ATRNL1: variants seen among roughly 807,000 people sequenced by gnomAD.
ATRNL1 encodes attractin-like protein 1.
ATRNL1 carries 95 observed loss-of-function variants against 182.7 expected under a neutral mutation model. The observed-to-expected ratio is 0.52, with a 90% CI of 0.44 to 0.62. The LOEUF (loss-of-function observed/expected upper bound fraction) is 0.62, where lower values mean the gene tolerates loss of function less well. ATRNL1 is among the 20% of genes least tolerant of loss of function. The pLI, the probability that ATRNL1 is intolerant of heterozygous loss-of-function variation, is 0.00. For synonymous variants in ATRNL1, 576 were observed against 568.3 expected (o/e 1.01, Z -0.19); for missense variants, 1,471 against 1,679.5 (o/e 0.88, Z 2.17).
chr10:115,442,026 T>G (rs782633673), intron 21 of ATRNL1, among the ~76,000 whole-genome samples: 5 of 152,046 alleles, frequency 3.3e-5, no homozygotes, highest in Non-Finnish European at 7.4e-5. Flanking sequence ...AGCTTCCTTG[T>G]GTAGTTTTCC....
At chr10:115,702,344 C>A (rs2133997786) in intron 26 of ATRNL1, among the ~76,000 whole-genome samples, 1 of 152,034 alleles carries the variant, frequency 6.6e-6, no homozygotes, top group Non-Finnish European at 1.5e-5. Context: ...AAGCTTTTCC[C>A]TTGATAATTG....
At chr10:115,511,003 A>G (rs905539975) in intron 24 of ATRNL1, among the ~76,000 whole-genome samples, 1 of 152,030 alleles carries the variant, frequency 6.6e-6, no homozygotes, top group Non-Finnish European at 1.5e-5. Context: ...GAAAGAACTT[A>G]AACTATTTAA....
chr10:115,891,801 A>G (rs1555111335), intron 28 of ATRNL1, among the ~76,000 whole-genome samples: 3 of 152,192 alleles, frequency 2.0e-5, no homozygotes. Context: ...CAGTCAGGTA[A>G]GCTAGTAAAA....
At chr10:115,375,764 T>C (rs943502942) in intron 19 of ATRNL1, among the ~76,000 whole-genome samples, 2 of 152,256 alleles carry the variant, frequency 1.3e-5, no homozygotes, top group South Asian at 2.1e-4. Flanking sequence ...ATGTAATTGA[T>C]GTCAACTTAT....
intron 27 of ATRNL1, among the ~76,000 whole-genome samples, chr10:115,784,085 T>G (rs950311144): frequency 9.2e-5 from 14 of 152,216 alleles, no homozygotes; most frequent in Non-Finnish European, 1.8e-4. Flanking sequence ...ATCTCTTATT[T>G]GTTTTGTGAA....
chr10:115,187,689 T>TTG (rs1847999106), intron 8 of ATRNL1, among the ~76,000 whole-genome samples: 1 of 148,492 alleles, frequency 6.7e-6, no homozygotes, highest in Non-Finnish European at 1.5e-5. Flanking sequence ...TTTTTTTTTT[T>TTG]TCTTTTTTCT....
intron 17 of ATRNL1, among the ~76,000 whole-genome samples, chr10:115,303,223 T>C (rs1367099870): frequency 4.5e-4 from 6 of 13,354 alleles, no homozygotes; most frequent in African/African-American, 3.8e-3. Flanking sequence ...GTATGCAGGT[T>C]TTTTTTTTTT....
At chr10:115,453,815 G>A in intron 21 of ATRNL1, among the ~76,000 whole-genome samples, 3 of 126,362 alleles carry the variant, frequency 2.4e-5, no homozygotes, top group Non-Finnish European at 3.3e-5. Flanking sequence ...GGGGAGGGGG[G>A]AGGGATAGCA....
intron 27 of ATRNL1, among the ~76,000 whole-genome samples, chr10:115,757,233 G>A (rs1280349546): frequency 5.9e-5 from 9 of 152,254 alleles, no homozygotes; most frequent in South Asian, 2.1e-4. Flanking sequence ...CCCTTTAGCT[G>A]ATGCAGTTTC....
At chr10:115,147,545 G>A (rs569123644) in intron 5 of ATRNL1, among the ~76,000 whole-genome samples, 15 of 151,774 alleles carry the variant, frequency 9.9e-5, no homozygotes, top group Non-Finnish European at 2.2e-4. Flanking sequence ...CTTTGCCTAG[G>A]TCAATGTCTC....
At chr10:115,718,648 T>C (rs1947327389) in intron 26 of ATRNL1, among the ~76,000 whole-genome samples, 1 of 152,216 alleles carries the variant, frequency 6.6e-6, no homozygotes, top group Non-Finnish European at 1.5e-5. Flanking sequence ...AAAGTCTTTA[T>C]AGGTAATGCT....
intron 27 of ATRNL1, among the ~76,000 whole-genome samples, chr10:115,732,002 C>G (rs1284940988): frequency 6.6e-6 from 1 of 152,210 alleles, no homozygotes; most frequent in African/African-American, 2.4e-5. Context: ...GTGCTTCATT[C>G]ATTTCTATTG....
intron 1 of ATRNL1, 28 bp downstream of exon 1, chr10:115,094,071 T>C: frequency 1.4e-6 from 2 of 1,406,748 alleles, no homozygotes; most frequent in Non-Finnish European, 1.9e-6. Flanking sequence ...ACCCCGAACC[T>C]CCAGCCCTGC....
intron 28 of ATRNL1, among the ~76,000 whole-genome samples, chr10:115,906,936 G>C (rs1265215204): frequency 8.1e-6 from 1 of 122,704 alleles, no homozygotes; most frequent in African/African-American, 6.6e-5. Flanking sequence ...TATCCGAAAT[G>C]CTTCAATGAG....
chr10:115,526,483 A>G (rs1851221014), intron 25 of ATRNL1, among the ~76,000 whole-genome samples: 1 of 152,176 alleles, frequency 6.6e-6, no homozygotes, highest in South Asian at 2.1e-4. Context: ...TGTTTTCCCC[A>G]TCTTCCAAGC....
intron 26 of ATRNL1, among the ~76,000 whole-genome samples, chr10:115,649,142 T>C (rs1268072642): frequency 1.3e-5 from 2 of 152,090 alleles, no homozygotes; most frequent in Non-Finnish European, 2.9e-5. Flanking sequence ...CGCTTTGTTT[T>C]ATTTATTTGT....
chr10:115,525,400 C>A (rs1335390051), intron 25 of ATRNL1, among the ~76,000 whole-genome samples: 1 of 152,176 alleles, frequency 6.6e-6, no homozygotes, highest in Non-Finnish European at 1.5e-5. Context: ...GGGTCTCCAT[C>A]TTTTTATGGC....
rs1360096035 is a variant in ATRNL1, at chr10:115,947,213, G to GT, written c.*2439dup. ...AAGGATAATCACTTTGAATCTGTTG[G>GT]TTTTTCCCCCTACATTCCAGACACT... On this transcript the variant is annotated 3_prime_UTR_variant, in exon 29 of 29. Transcript: ENST00000355044. 1.3e-5 allele frequency: 2 copies of GT among 152,456 alleles called. No individual in the cohort carries two copies. Among genetic ancestry groups the GT allele is most frequent in the South Asian group, 4.1e-4 (2 of 4,824 alleles). 9.4% of individuals were successfully genotyped at this position (152,456 alleles called of 1,614,324 possible). A position where few individuals can be genotyped will look rare whatever the true frequency, so the allele number is the denominator to read the frequency against.
chr10:115,803,206 G>A (rs1288879942), intron 27 of ATRNL1, among the ~76,000 whole-genome samples: 3 of 152,102 alleles, frequency 2.0e-5, no homozygotes, highest in Non-Finnish European at 2.9e-5. Context: ...AAGTAAAAGG[G>A]TGCAGATTTA....
Sources: gnomAD v4.1 joint callset for allele counts (sites outside exome capture counted in the v4.1 genomes callset) on GRCh38, gnomAD v4.1.1 for gene constraint, MANE v1.5 for transcripts, NCBI Gene and HGNC (gene_info 2026-07-23, HGNC 2026-07-21) for gene names.